The following PRDM16 variants were observed in gnomAD, a reference collection of about 807,000 sequenced individuals.
PRDM16 encodes PR/SET domain 16.
In PRDM16, 23 loss-of-function variants were observed where a neutral mutation model predicts 110.6. That is an observed-to-expected ratio of 0.21 (90% CI 0.15 to 0.29). The LOEUF (loss-of-function observed/expected upper bound fraction) is 0.29, where lower values mean the gene tolerates loss of function less well. Ranked by LOEUF, PRDM16 falls within the 10% of genes least tolerant of loss-of-function variation. The probability of loss-of-function intolerance (pLI) is 1.00; values close to 1 mark genes in which losing one functional copy is unlikely to be tolerated. For synonymous variants in PRDM16, 799 were observed against 781.8 expected (o/e 1.02, Z -0.37); for missense variants, 1,615 against 1,794.3 (o/e 0.90, Z 1.81).
chr1:3,181,832 ATT>A (rs1227741750), intron 1 of PRDM16, among the ~76,000 whole-genome samples: 7 of 97,006 alleles, frequency 7.2e-5, no homozygotes, highest in Non-Finnish European at 1.6e-4. Context: ...GGTCTTACAC[ATT>A]CAGTCTTACA....
At chr1:3,173,883 G>T (rs1449035182) in intron 1 of PRDM16, among the ~76,000 whole-genome samples, 2 of 152,222 alleles carry the variant, frequency 1.3e-5, no homozygotes, top group Non-Finnish European at 2.9e-5. Context: ...ACCTGCTTCA[G>T]GGCACCAGGA....
intron 3 of PRDM16, among the ~76,000 whole-genome samples, chr1:3,335,602 A>AACACACACACACACACACAC (rs3036535): frequency 2.9e-4 from 42 of 144,434 alleles, no homozygotes; most frequent in East Asian, 4.3e-4. Context: ...CTGAGGTTAA[A>AACACACACACACACACACAC]ACACACACAC....
chr1:3,146,030 G>A (rs1465653575), intron 1 of PRDM16, among the ~76,000 whole-genome samples: 5 of 152,202 alleles, frequency 3.3e-5, no homozygotes, highest in Non-Finnish European at 5.9e-5. Flanking sequence ...CGTTAGGGAC[G>A]CAATGAGGAC....
At position 3,143,311 on chromosome 1, in the gene PRDM16, T is replaced by C. The variant is rs975014179; in HGVS notation, c.38-42814T>C. On this transcript the variant is annotated intron_variant, in intron 1 of 16. Transcript: ENST00000270722. The surrounding 1 kb of genome is among the most constrained non-coding windows in gnomAD (Gnocchi z 4.5). ...TCCGGGCTGAGGACTTCGTCAGGTG[T>C]CAGGACTCGGGACAGCAGGACCCTC... is the stretch of plus-strand genomic sequence containing the variant. 2.6e-5 allele frequency among the ~76,000 whole-genome samples: 4 copies of C among 151,980 alleles called. No individual in the cohort carries two copies. Among genetic ancestry groups the C allele is most frequent in the Non-Finnish European group, 5.9e-5 (4 of 67,984 alleles).
chr1:3,362,906 C>T (rs937168431), intron 3 of PRDM16, among the ~76,000 whole-genome samples: 2 of 152,166 alleles, frequency 1.3e-5, no homozygotes, highest in African/African-American at 2.4e-5. Context: ...CAGAACTGTT[C>T]GGGGTTCACA....
chr1:3,396,129 ACAT>A (rs549563103), intron 4 of PRDM16, among the ~76,000 whole-genome samples: 48 of 152,002 alleles, frequency 3.2e-4, no homozygotes, highest in Non-Finnish European at 6.3e-4. Context: ...GGTCTCACTT[ACAT>A]ACACAAAATG....
chr1:3,401,185 C>T (rs1262176227), intron 5 of PRDM16, among the ~76,000 whole-genome samples: 1 of 152,182 alleles, frequency 6.6e-6, no homozygotes, highest in Non-Finnish European at 1.5e-5. Flanking sequence ...TCTGGTAACC[C>T]CTGCACTGCC....
chr1:3,216,535 G>T (rs1639035084), intron 2 of PRDM16, among the ~76,000 whole-genome samples: 1 of 152,216 alleles, frequency 6.6e-6, no homozygotes, highest in Non-Finnish European at 1.5e-5. Flanking sequence ...GCCCCCGGTG[G>T]CTGTCCCCCG....
chr1:3,070,884 G>T (rs1641739750), intron 1 of PRDM16, among the ~76,000 whole-genome samples: 2 of 152,176 alleles, frequency 1.3e-5, no homozygotes, highest in African/African-American at 4.8e-5. Context: ...CCCCCTTCCC[G>T]CCGCGCTCCG....
intron 3 of PRDM16, among the ~76,000 whole-genome samples, chr1:3,266,867 C>T (rs1334750612): frequency 6.6e-6 from 1 of 151,900 alleles, no homozygotes; most frequent in Admixed American, 6.6e-5. Flanking sequence ...TAGTAGAGAC[C>T]GGATTTTGCC....
intron 12 of PRDM16, chr1:3,424,827 G>C (rs149621107): frequency 6.7e-6 from 1 of 148,418 alleles, no homozygotes; most frequent in Non-Finnish European, 1.5e-5. Context: ...GAGCCCCTCC[G>C]GCTGGGAAAC....
intron 2 of PRDM16, among the ~76,000 whole-genome samples, chr1:3,225,345 T>G (rs1639261392): frequency 6.6e-6 from 1 of 152,074 alleles, no homozygotes; most frequent in Non-Finnish European, 1.5e-5. Context: ...ACCCAAATAT[T>G]TTGAAGAGGT....
rs556603708 is a variant in PRDM16, at chr1:3,086,470, G to A, written c.37+17174G>A. On this transcript the variant is annotated intron_variant, in intron 1 of 16. Transcript: ENST00000270722. ...TGTGCTGGAAAACGCCCGAGGTGTC[G>A]GTGCAGTGTCCTCCCTTTGCTTCTG... Among the ~76,000 whole-genome samples, 26 of 152,208 alleles carry A rather than the reference G, an allele frequency of 1.7e-4. No homozygotes were observed. The South Asian group carries it at 3.5e-3, about 21-fold the overall frequency.
chr1:3,156,223 A>T (rs747618457), intron 1 of PRDM16, among the ~76,000 whole-genome samples: 3 of 152,142 alleles, frequency 2.0e-5, no homozygotes, highest in Admixed American at 6.5e-5. Flanking sequence ...TGAGCAACAG[A>T]TGGGGCTGTC....
intron 1 of PRDM16, among the ~76,000 whole-genome samples, chr1:3,113,560 C>A (rs1028592468): frequency 6.6e-6 from 1 of 152,186 alleles, no homozygotes; most frequent in African/African-American, 2.4e-5. Flanking sequence ...GCGGGAGGGG[C>A]CTGCGTCCAT....
chr1:3,371,165 C>G (rs1157672155), intron 3 of PRDM16, among the ~76,000 whole-genome samples: 1 of 149,198 alleles, frequency 6.7e-6, no homozygotes, highest in Admixed American at 6.7e-5. Flanking sequence ...CATCCACCCA[C>G]CGATCCACCA....
intron 1 of PRDM16, among the ~76,000 whole-genome samples, chr1:3,152,750 G>T (rs1428787196): frequency 1.3e-5 from 2 of 152,198 alleles, no homozygotes; most frequent in African/African-American, 2.4e-5. Context: ...AGGGCTGCAT[G>T]GACTCAGCCA....
chr1:3,305,724 G>A (rs548849137), intron 3 of PRDM16, among the ~76,000 whole-genome samples: 4 of 152,356 alleles, frequency 2.6e-5, no homozygotes, highest in African/African-American at 9.6e-5. Context: ...CCAGCTCCGC[G>A]ACTTTTGCAA....
chr1:3,416,100 G>A (rs951498456), intron 10 of PRDM16, among the ~76,000 whole-genome samples: 7 of 152,244 alleles, frequency 4.6e-5, no homozygotes, highest in Non-Finnish European at 8.8e-5. Flanking sequence ...AGGGGCCAGA[G>A]GGGAGGCCTT....
Sources: gnomAD v4.1 joint callset for allele counts (sites outside exome capture counted in the v4.1 genomes callset) on GRCh38, gnomAD v4.1.1 for gene constraint, Gnocchi (gnomAD v3.1) non-coding constraint, MANE v1.5 for transcripts, NCBI Gene and HGNC (gene_info 2026-07-23, HGNC 2026-07-21) for gene names.